SOS2: variants seen among roughly 807,000 people sequenced by gnomAD.
SOS2 encodes the protein SOS Ras/Rho guanine nucleotide exchange factor 2.
A neutral mutation model predicts 148.2 loss-of-function variants in SOS2; 65 were observed. The observed-to-expected ratio is 0.44, with a 90% CI of 0.36 to 0.54. The LOEUF (loss-of-function observed/expected upper bound fraction) is 0.54, where lower values mean the gene tolerates loss of function less well. Among genes scored for constraint, SOS2 ranks in the 20% least tolerant of loss-of-function variants. The probability of loss-of-function intolerance (pLI) is 0.00; values close to 1 mark genes in which losing one functional copy is unlikely to be tolerated. For synonymous variants in SOS2, 539 were observed against 537.1 expected (o/e 1.00, Z -0.05); for missense variants, 1,341 against 1,590.2 (o/e 0.84, Z 2.67).
At chr14:50,136,589 A>G (rs995571416) in intron 18 of SOS2, among the ~76,000 whole-genome samples, 6 of 80,520 alleles carry the variant, frequency 7.5e-5, no homozygotes, top group African/African-American at 2.9e-4. Context: ...AAGAGCAAGT[A>G]TCTTTTTTTT....
intron 19 of SOS2, among the ~76,000 whole-genome samples, chr14:50,133,580 C>G (rs1190093728): frequency 1.3e-5 from 2 of 152,184 alleles, no homozygotes; most frequent in East Asian, 3.8e-4. Flanking sequence ...CTTCCTGCTT[C>G]ACCTAAAGTT....
At chr14:50,126,786 C>G (rs1279830614) in intron 21 of SOS2, among the ~76,000 whole-genome samples, 1 of 151,472 alleles carries the variant, frequency 6.6e-6, no homozygotes, top group Non-Finnish European at 1.5e-5. Flanking sequence ...GAAAAAGGAG[C>G]TCCACAAAAG....
intron 7 of SOS2, among the ~76,000 whole-genome samples, chr14:50,179,381 A>AT (rs1229656481): frequency 6.6e-6 from 1 of 151,960 alleles, no homozygotes; most frequent in African/African-American, 2.4e-5. Context: ...AAGCCAGTTT[A>AT]TTTTTTATTT....
chr14:50,220,405 C>CGAAAAAAAAA (rs779813155), intron 1 of SOS2, among the ~76,000 whole-genome samples: 1 of 30,446 alleles, frequency 3.3e-5, no homozygotes, highest in African/African-American at 1.4e-4. Context: ...GACTCCATCT[C>CGAAAAAAAAA]AAAAAAAAAA....
intron 5 of SOS2, among the ~76,000 whole-genome samples, chr14:50,183,387 CAA>C (rs927793599): frequency 2.3e-5 from 3 of 130,946 alleles, no homozygotes; most frequent in Admixed American, 7.7e-5. Flanking sequence ...CTTGCTTGTA[CAA>C]AAAAAAAAAG....
At chr14:50,209,274 CGTGTGTGTGTGTGT>C (rs140994310) in intron 1 of SOS2, among the ~76,000 whole-genome samples, 28,865 of 118,338 alleles carry the variant, frequency 0.24, 3,193 homozygotes, top group East Asian at 0.45. Flanking sequence ...CCTTAAATGT[CGTGTGTGTGTGTGT>C]GTGTGTGTGT....
chr14:50,130,198 CT>C (rs1883820639), intron 20 of SOS2, among the ~76,000 whole-genome samples, 196 bp from the exon 21 acceptor site: 1 of 152,132 alleles, frequency 6.6e-6, no homozygotes, highest in Non-Finnish European at 1.5e-5. Context: ...GTGGTTCCCC[CT>C]CTATCACAGA....
chr14:50,231,172 C>T, intron 1 of SOS2, 25 bp downstream of exon 1: 1 of 1,354,256 alleles, frequency 7.4e-7, no homozygotes, highest in Non-Finnish European at 9.8e-7. Flanking sequence ...GGCCACCCGC[C>T]GGCCGCCCCG....
chr14:50,176,074 T>G lies in SOS2; in HGVS notation c.970-1522A>C, dbSNP rs143421899. On this transcript the variant is annotated intron_variant, in intron 7 of 22. Transcript: ENST00000216373. Reference sequence around the variant, plus strand: ...AGAGATGGGGCCTTTAGGAGGTGATTGGATATGAGGGCAGAGCCCCTGTGA... The same window carrying G: ...AGAGATGGGGCCTTTAGGAGGTGATGGGATATGAGGGCAGAGCCCCTGTGA... Among the ~76,000 whole-genome samples, 81 of 152,312 alleles carry G rather than the reference T, an allele frequency of 5.3e-4. 1 individual carries two copies. In the East Asian group the frequency reaches 0.014, roughly 27 times the overall value.
At chr14:50,134,347 C>T in intron 18 of SOS2, 108 bp from the exon 19 acceptor site, 3 of 610,970 alleles carry the variant, frequency 4.9e-6, no homozygotes, top group Non-Finnish European at 8.6e-6. Context: ...TTATTTAATG[C>T]TAAAAAATAA....
intron 1 of SOS2, 54 bp from the exon 2 acceptor site, chr14:50,204,463 A>G: frequency 9.2e-7 from 1 of 1,091,590 alleles, no homozygotes; most frequent in Non-Finnish European, 1.3e-6. Context: ...AAATTGAACA[A>G]AAGTCAAAGA....
intron 10 of SOS2, among the ~76,000 whole-genome samples, chr14:50,159,098 G>A (rs1435966341): frequency 1.3e-5 from 2 of 152,030 alleles, no homozygotes; most frequent in Non-Finnish European, 2.9e-5. Context: ...GCTGAGGCAG[G>A]AGAATGGCGT....
intron 18 of SOS2, among the ~76,000 whole-genome samples, chr14:50,137,564 C>T (rs904393403): frequency 6.6e-6 from 1 of 152,100 alleles, no homozygotes; most frequent in African/African-American, 2.4e-5. Flanking sequence ...GTTTAACATG[C>T]TATCTACTGA....
intron 17 of SOS2, among the ~76,000 whole-genome samples, chr14:50,139,697 G>A (rs1232833533): frequency 2.6e-5 from 4 of 152,112 alleles, no homozygotes; most frequent in East Asian, 3.8e-4. Flanking sequence ...TCATGAGTGC[G>A]TCCTATGTGC....
At chr14:50,125,067 A>C (rs1883639325) in intron 21 of SOS2, among the ~76,000 whole-genome samples, 1 of 152,230 alleles carries the variant, frequency 6.6e-6, no homozygotes, top group South Asian at 2.1e-4. Context: ...AGTACCTATA[A>C]TTGTGACCTT....
chr14:50,147,467 G>T (rs1884525252), intron 14 of SOS2, among the ~76,000 whole-genome samples: 1 of 134,356 alleles, frequency 7.4e-6, no homozygotes, highest in Non-Finnish European at 1.5e-5. Context: ...AGCTATGATT[G>T]TGCCACTGCA....
intron 4 of SOS2, among the ~76,000 whole-genome samples, chr14:50,190,113 A>C (rs1369868688): frequency 6.6e-6 from 1 of 151,986 alleles, no homozygotes; most frequent in Non-Finnish European, 1.5e-5. Context: ...TCAGCCTCCC[A>C]AAGTGCTGGG....
chr14:50,210,628 T>C (rs1163256612), intron 1 of SOS2, among the ~76,000 whole-genome samples: 1 of 151,954 alleles, frequency 6.6e-6, no homozygotes, highest in Admixed American at 6.6e-5. Context: ...AAGATATATG[T>C]AGTACATGTA....
intron 18 of SOS2, 28 bp from the exon 19 acceptor site, chr14:50,134,267 A>G (rs1884001938): frequency 1.0e-6 from 1 of 997,356 alleles, no homozygotes; most frequent in African/African-American, 1.6e-5. Flanking sequence ...ACACAAGTGC[A>G]TATATAGTAA....
Sources: allele counts gnomAD v4.1 joint callset (sites outside exome capture counted in the v4.1 genomes callset), GRCh38; gene constraint gnomAD v4.1.1; transcripts MANE v1.5; gene names NCBI Gene and HGNC (gene_info 2026-07-23, HGNC 2026-07-21).